The following PDLIM5 variants were observed in gnomAD, a reference collection of about 807,000 sequenced individuals.
PDLIM5 encodes the protein PDZ and LIM domain protein 5.
In PDLIM5, 34 loss-of-function variants were observed where a neutral mutation model predicts 64.2. That is an observed-to-expected ratio of 0.53 (90% CI 0.40 to 0.71). The LOEUF (loss-of-function observed/expected upper bound fraction) is 0.71. Among genes scored for constraint, PDLIM5 ranks in the 30% least tolerant of loss-of-function variants. The pLI, the probability that PDLIM5 is intolerant of heterozygous loss-of-function variation, is 0.00. For missense variants in PDLIM5, 683 were observed against 733.6 expected (o/e 0.93, Z 0.80); for synonymous variants, 253 against 269.1 (o/e 0.94, Z 0.59).
chr4:94,503,870 G>A (rs145540988), intron 2 of PDLIM5, among the ~76,000 whole-genome samples: 5 of 152,272 alleles, frequency 3.3e-5, no homozygotes, highest in Non-Finnish European at 2.9e-5. Context: ...GTTACTTAAC[G>A]TGAGCTTACA....
At chr4:94,452,761 A>C (rs1722976063) in intron 1 of PDLIM5, among the ~76,000 whole-genome samples, 1 of 152,176 alleles carries the variant, frequency 6.6e-6, no homozygotes, top group Non-Finnish European at 1.5e-5. Context: ...TGTGATCGCC[A>C]GATCCTATCC....
chr4:94,537,079 C>T lies in PDLIM5; in HGVS notation c.248+13204C>T, dbSNP rs1307558896. ...TTACCTGCCGTGATCCCTGTTAATACTCTTTCTCTGAAATTGAAATGCGGA... is the reference window on the plus strand; with the variant it reads ...TTACCTGCCGTGATCCCTGTTAATATTCTTTCTCTGAAATTGAAATGCGGA... On this transcript the variant is annotated intron_variant, in intron 3 of 12. Transcript: ENST00000317968. 2.0e-5 allele frequency among the ~76,000 whole-genome samples: 3 copies of T among 152,176 alleles called. No homozygotes were observed. In the East Asian group the frequency reaches 5.8e-4, roughly 29 times the overall value.
At chr4:94,661,736 A>G (rs1352687058) in intron 11 of PDLIM5, among the ~76,000 whole-genome samples, 1 of 152,074 alleles carries the variant, frequency 6.6e-6, no homozygotes, top group African/African-American at 2.4e-5. Context: ...ATCTCTCTTC[A>G]TTAGTCTTAT....
At chr4:94,643,197 A>T (rs889955675) in intron 9 of PDLIM5, among the ~76,000 whole-genome samples, 3 of 152,152 alleles carry the variant, frequency 2.0e-5, no homozygotes, top group Non-Finnish European at 4.4e-5. Flanking sequence ...TCTAAAGTTT[A>T]AAAATTTTTT....
At chr4:94,585,808 G>A in intron 6 of PDLIM5, 71 bp downstream of exon 6, 1 of 1,243,678 alleles carries the variant, frequency 8.0e-7, no homozygotes, top group Non-Finnish European at 1.2e-6. Flanking sequence ...GAGACTGATT[G>A]GTAGTTGTCA....
intron 7 of PDLIM5, chr4:94,608,266 G>A: frequency 1.1e-6 from 1 of 886,752 alleles, no homozygotes; most frequent in South Asian, 2.0e-5. Context: ...AAAAATGATT[G>A]TTGATTACAG....
intron 2 of PDLIM5, among the ~76,000 whole-genome samples, chr4:94,496,229 A>G (rs1722933748): frequency 6.6e-6 from 1 of 152,210 alleles, no homozygotes; most frequent in Non-Finnish European, 1.5e-5. Context: ...TGAATGTATT[A>G]CTTATTTTGT....
intron 7 of PDLIM5, among the ~76,000 whole-genome samples, chr4:94,617,461 T>C (rs1209699233): frequency 6.6e-6 from 1 of 152,046 alleles, no homozygotes; most frequent in East Asian, 1.9e-4. Context: ...CAACCAACGT[T>C]TGGCATATAG....
At chr4:94,644,390 A>G (rs1290130200) in intron 9 of PDLIM5, among the ~76,000 whole-genome samples, 1 of 152,234 alleles carries the variant, frequency 6.6e-6, no homozygotes, top group Non-Finnish European at 1.5e-5. Context: ...TCATATGAAT[A>G]TGGCAAAAAT....
intron 3 of PDLIM5, among the ~76,000 whole-genome samples, chr4:94,540,874 G>C (rs1731747319): frequency 6.6e-6 from 1 of 152,100 alleles, no homozygotes; most frequent in African/African-American, 2.4e-5. Context: ...ATTAATTGTT[G>C]TGCAGTTACA....
chr4:94,493,790 A>G (rs1284342567), intron 2 of PDLIM5, among the ~76,000 whole-genome samples: 1 of 152,166 alleles, frequency 6.6e-6, no homozygotes, highest in Non-Finnish European at 1.5e-5. Context: ...GGAGCATTTA[A>G]GAGTCAGAAA....
intron 2 of PDLIM5, among the ~76,000 whole-genome samples, chr4:94,520,359 A>C: frequency 6.6e-6 from 1 of 152,220 alleles, no homozygotes; most frequent in East Asian, 1.9e-4. Flanking sequence ...TGAAATACAT[A>C]CACACTTATG....
chr4:94,453,826 G>T (rs1002067467), intron 1 of PDLIM5, among the ~76,000 whole-genome samples: 2 of 151,982 alleles, frequency 1.3e-5, no homozygotes, highest in Non-Finnish European at 2.9e-5. Context: ...ATCTTTTTTA[G>T]TGCTCTGTGC....
At position 94,575,640 on chromosome 4, in the gene PDLIM5, C is replaced by A; in HGVS notation, c.316C>A (p.Pro106Thr). The change falls in exon 5 of 13, where the codon CCT (proline) becomes ACT (threonine). Residue 106 changes from proline to threonine, a missense_variant. By Grantham distance (38) the Pro-to-Thr change is conservative. Coordinates refer to ENST00000317968, the MANE Select transcript of PDLIM5 (RefSeq NM_006457.5). ...GGGAGAACCTAAAGAAGTAGTTAAA[C>A]CTGTGCCCATTACATCTCCTGCTGT... is the stretch of plus-strand genomic sequence containing the variant. ...QKGEPKEVVK[P>T]VPITSPAVSK... 6.3e-7 allele frequency: 1 copy of A among 1,595,406 alleles called. No homozygotes were observed. Among genetic ancestry groups the A allele is most frequent in the Non-Finnish European group, 8.6e-7 (1 of 1,168,342 alleles).
intron 2 of PDLIM5, among the ~76,000 whole-genome samples, chr4:94,466,193 C>G (rs2126086167): frequency 6.6e-6 from 1 of 152,226 alleles, no homozygotes; most frequent in Non-Finnish European, 1.5e-5. Context: ...ATCTGTAACT[C>G]CTGACCTCAT....
chr4:94,469,417 G>A (rs1285055183), intron 2 of PDLIM5, among the ~76,000 whole-genome samples: 1 of 152,142 alleles, frequency 6.6e-6, no homozygotes, highest in Non-Finnish European at 1.5e-5. Flanking sequence ...GTGAAGAGCT[G>A]GGAAAACACA....
intron 9 of PDLIM5, among the ~76,000 whole-genome samples, chr4:94,651,553 G>A (rs1232065264): frequency 1.3e-5 from 2 of 152,090 alleles, no homozygotes; most frequent in Admixed American, 6.6e-5. Context: ...TTCATCGATA[G>A]GCTCGTTAAA....
chr4:94,524,779 G>A (rs1444117184), intron 3 of PDLIM5, among the ~76,000 whole-genome samples: 2 of 152,078 alleles, frequency 1.3e-5, no homozygotes, highest in African/African-American at 2.4e-5. Flanking sequence ...TTTCTGGAAG[G>A]AAAGACCAGG....
intron 3 of PDLIM5, among the ~76,000 whole-genome samples, chr4:94,565,301 TA>T (rs1306236189): frequency 6.6e-6 from 1 of 152,186 alleles, no homozygotes; most frequent in Non-Finnish European, 1.5e-5. Context: ...CTGAACACGA[TA>T]AAAAATGTAT....
Sources: gnomAD v4.1 joint callset for allele counts (sites outside exome capture counted in the v4.1 genomes callset) on GRCh38, gnomAD v4.1.1 for gene constraint, MANE v1.5 for transcripts, NCBI Gene and HGNC (gene_info 2026-07-23, HGNC 2026-07-21) for gene names.